KDM6A: variants seen among roughly 807,000 people sequenced by gnomAD.
KDM6A encodes the protein lysine-specific demethylase 6A.
KDM6A carries 11 observed loss-of-function variants against 117.6 expected under a neutral mutation model. The observed-to-expected ratio is 0.09, with a 90% CI of 0.06 to 0.15. KDM6A has a LOEUF of 0.15. Among genes scored for constraint, KDM6A ranks in the 10% least tolerant of loss-of-function variants. The pLI is 1.00. For missense variants in KDM6A, 799 were observed against 1,077.3 expected (o/e 0.74, Z 3.62); for synonymous variants, 384 against 396.1 (o/e 0.97, Z 0.36).
intron 2 of KDM6A, 102 bp from the exon 3 acceptor site, chrX:44,961,182 C>G: frequency 1.8e-6 from 1 of 551,137 alleles, no homozygotes; most frequent in South Asian, 2.7e-5. Context: ...TCAATATTGA[C>G]TTCTTAGGTG....
chrX:45,011,688 G>C (rs1275571876), intron 5 of KDM6A, among the ~76,000 whole-genome samples: 1 of 112,010 alleles, frequency 8.9e-6, no homozygotes, highest in East Asian at 2.8e-4. Flanking sequence ...GATTGGTATT[G>C]TTGTCACAGC....
At chrX:44,955,215 CAA>C in intron 2 of KDM6A, among the ~76,000 whole-genome samples, 1 of 110,840 alleles carries the variant, frequency 9.0e-6, no homozygotes, top group East Asian at 2.8e-4. Flanking sequence ...TTATAGTGCA[CAA>C]AAGTGACTCT....
chrX:45,094,750 T>G (rs981034242), intron 27 of KDM6A, among the ~76,000 whole-genome samples: 7 of 111,874 alleles, frequency 6.3e-5, no homozygotes, highest in African/African-American at 2.0e-4. Context: ...TATACCTCTC[T>G]TTTTTGCCCT....
At chrX:44,877,098 C>T (rs767229418) in intron 2 of KDM6A, among the ~76,000 whole-genome samples, 33 of 111,290 alleles carry the variant, frequency 3.0e-4, no homozygotes, top group Non-Finnish European at 3.2e-4. Context: ...CGTATGTATA[C>T]GTATGTACAT....
intron 2 of KDM6A, among the ~76,000 whole-genome samples, chrX:44,957,790 T>G (rs1307167927): frequency 8.9e-6 from 1 of 112,044 alleles, no homozygotes; most frequent in African/African-American, 3.2e-5. Context: ...TTTATTAGGC[T>G]TTTCATTTAT....
At chrX:44,947,999 C>T (rs1023065560) in intron 2 of KDM6A, among the ~76,000 whole-genome samples, 15 of 111,223 alleles carry the variant, frequency 1.3e-4, no homozygotes, top group South Asian at 3.7e-4. Flanking sequence ...TTCCCCTGAC[C>T]GCCCCCAAAG....
intron 2 of KDM6A, among the ~76,000 whole-genome samples, chrX:44,925,617 A>G (rs1362278015): frequency 8.9e-6 from 1 of 112,025 alleles, no homozygotes; most frequent in African/African-American, 3.2e-5. Flanking sequence ...ATTTGCTTAA[A>G]TTTGAATAGT....
intron 4 of KDM6A, 114 bp from the exon 5 acceptor site, chrX:45,010,847 G>A (rs1010187949): frequency 1.9e-6 from 1 of 526,512 alleles, no homozygotes; most frequent in East Asian, 3.7e-5. Context: ...ATATTGTAAT[G>A]CATGATAGAA....
At chrX:45,047,682 T>C (rs1385889250) in intron 8 of KDM6A, among the ~76,000 whole-genome samples, 133 of 57,738 alleles carry the variant, frequency 2.3e-3, no homozygotes, top group African/African-American at 0.012. Context: ...TTCTTTTTTT[T>C]TTTTTTTTTT....
At chrX:44,957,915 CAT>C (rs1300003990) in intron 2 of KDM6A, among the ~76,000 whole-genome samples, 2 of 111,854 alleles carry the variant, frequency 1.8e-5, no homozygotes, top group African/African-American at 3.3e-5. Context: ...CCATTAGCCA[CAT>C]GTTTGTTTAA....
At chrX:45,044,726 G>A (rs929807245) in intron 8 of KDM6A, among the ~76,000 whole-genome samples, 2 of 111,691 alleles carry the variant, frequency 1.8e-5, no homozygotes, top group South Asian at 3.7e-4. Context: ...GTATCAGTAC[G>A]TGTAGAGCTG....
At chrX:45,019,920 T>C (rs761917214) in intron 5 of KDM6A, among the ~76,000 whole-genome samples, 223 of 111,845 alleles carry the variant, frequency 2.0e-3, no homozygotes, top group African/African-American at 6.8e-3. Context: ...TTATAAAAGA[T>C]ACAATGTGAA....
intron 6 of KDM6A, among the ~76,000 whole-genome samples, chrX:45,021,488 T>C (rs767113300): frequency 1.5e-3 from 171 of 111,487 alleles, no homozygotes; most frequent in African/African-American, 5.3e-3. Flanking sequence ...TGAATCTCCA[T>C]TGCAGACTAT....
intron 2 of KDM6A, among the ~76,000 whole-genome samples, chrX:44,919,487 C>T (rs1266653437): frequency 3.6e-5 from 4 of 110,984 alleles, no homozygotes; most frequent in Non-Finnish European, 7.5e-5. Flanking sequence ...AAAAATTATA[C>T]TCTCCCTCCT....
chrX:45,043,081 A>G (rs1019582103), intron 8 of KDM6A, among the ~76,000 whole-genome samples: 1 of 111,753 alleles, frequency 8.9e-6, no homozygotes, highest in Non-Finnish European at 1.9e-5. Context: ...CTTGAGCTCA[A>G]GAGTTCCAGA....
chrX:44,897,588 A>T (rs2033998456), intron 2 of KDM6A, among the ~76,000 whole-genome samples: 1 of 110,889 alleles, frequency 9.0e-6, no homozygotes, highest in African/African-American at 3.3e-5. Context: ...TTCTTTTAAG[A>T]GACAGGGTCG....
At chrX:44,893,422 A>G (rs988275309) in intron 2 of KDM6A, among the ~76,000 whole-genome samples, 2 of 110,215 alleles carry the variant, frequency 1.8e-5, no homozygotes, top group Admixed American at 9.7e-5. Flanking sequence ...TTAAATGTAA[A>G]TTTCCAGGTC....
At chrX:44,878,221 A>G (rs1569326990) in intron 2 of KDM6A, among the ~76,000 whole-genome samples, 1 of 111,387 alleles carries the variant, frequency 9.0e-6, no homozygotes, top group African/African-American at 3.3e-5. Flanking sequence ...AAATGCTCCA[A>G]TGAGCATTTC....
At chrX:44,990,546 C>G (rs1490955167) in intron 4 of KDM6A, among the ~76,000 whole-genome samples, 7 of 45,068 alleles carry the variant, frequency 1.6e-4, no homozygotes, top group African/African-American at 7.2e-4. Context: ...GAAACTGTGT[C>G]TCAAAACATA....
Sources: allele counts gnomAD v4.1 joint callset (sites outside exome capture counted in the v4.1 genomes callset), GRCh38; gene constraint gnomAD v4.1.1; transcripts MANE v1.5; gene names NCBI Gene and HGNC (gene_info 2026-07-23, HGNC 2026-07-21).